The following CLEC4E variants were observed in gnomAD, a reference collection of about 807,000 sequenced individuals.
CLEC4E encodes the protein C-type lectin domain family 4 member E.
In CLEC4E, 21 loss-of-function variants were observed where a neutral mutation model predicts 24.7. The observed-to-expected ratio is 0.85, with a 90% CI of 0.60 to 1.22. The LOEUF is 1.22. CLEC4E is among the 50% of genes most tolerant of loss of function. The pLI, the probability that CLEC4E is intolerant of heterozygous loss-of-function variation, is 0.00. For missense variants in CLEC4E, 249 were observed against 254.1 expected (o/e 0.98, Z 0.14); for synonymous variants, 94 against 85.7 (o/e 1.10, Z -0.54).
chr12:8,539,796 G>A (rs1940672061), intron 2 of CLEC4E, 59 bp downstream of exon 2: 4 of 1,069,320 alleles, frequency 3.7e-6, no homozygotes, highest in Middle Eastern at 2.0e-4. Flanking sequence ...CAGCATGGAA[G>A]AGTTTTCTCC....
At chr12:8,539,802 T>C (rs1298582972) in intron 2 of CLEC4E, 53 bp downstream of exon 2, 4 of 1,153,690 alleles carry the variant, frequency 3.5e-6, no homozygotes, top group African/African-American at 1.5e-5. Context: ...GGAAGAGTTT[T>C]CTCCTAATAT....
intron 3 of CLEC4E, 44 bp from the exon 4 acceptor site, chr12:8,537,310 T>G: frequency 6.3e-7 from 1 of 1,578,138 alleles, no homozygotes; most frequent in Non-Finnish European, 8.6e-7. Flanking sequence ...GTGAACCGAA[T>G]AAGAAAACCC....
In CLEC4E at chr12:8,537,900, C is replaced by T. The variant is rs184132538; in HGVS notation, c.221-634G>A. On this transcript the variant is annotated intron_variant, in intron 3 of 5. Coordinates refer to ENST00000299663, the MANE Select transcript of CLEC4E (RefSeq NM_014358.4). Reference sequence around the variant, plus strand: ...AATCATAGCCAAGGAAAAACCAGGCCGTACAGAGCTACGAGCTGAGGGGAC... The same window carrying T: ...AATCATAGCCAAGGAAAAACCAGGCTGTACAGAGCTACGAGCTGAGGGGAC... 4.8e-3 allele frequency among the ~76,000 whole-genome samples: 724 copies of T among 152,268 alleles called. 6 individuals carry two copies. The highest frequency in any genetic ancestry group is 6.4e-3 in the Admixed American group (98 of 15,302).
At chr12:8,536,065 C>T (rs764489814) in intron 5 of CLEC4E, 25 bp downstream of exon 5, 6 of 1,415,906 alleles carry the variant, frequency 4.2e-6, no homozygotes, top group Admixed American at 1.7e-5. Context: ...GTTTCAAGAA[C>T]TCCTCTCAAT....
chr12:8,538,364 C>T (rs377375121), intron 3 of CLEC4E, among the ~76,000 whole-genome samples: 2 of 152,214 alleles, frequency 1.3e-5, no homozygotes, highest in African/African-American at 4.8e-5. Context: ...GAAATAATAG[C>T]GTAAGCTGTC....
At position 8,537,285 on chromosome 12, in the gene CLEC4E, C is replaced by A. The variant is rs1940629019; in HGVS notation, c.221-19G>T. 4 of 1,608,522 alleles carry A rather than the reference C, an allele frequency of 2.5e-6. No homozygotes were observed. The highest frequency in any genetic ancestry group is 3.4e-6 in the Non-Finnish European group (4 of 1,175,766). ...ACTGAACCTAGGATGAGAGATGTTT[C>A]AGTGAGTGTCCCAGGTGAACCGAAT... is the stretch of plus-strand genomic sequence containing the variant. On this transcript the variant is annotated intron_variant, in intron 3 of 5. Transcript: ENST00000299663.
At chr12:8,537,667 A>G (rs1940632726) in intron 3 of CLEC4E, among the ~76,000 whole-genome samples, 1 of 152,178 alleles carries the variant, frequency 6.6e-6, no homozygotes, top group African/African-American at 2.4e-5. Context: ...TCCATACTGT[A>G]GTATATAGAT....
rs1383066373 is a variant in CLEC4E, at chr12:8,539,291, A to C, written c.146T>G (p.Phe49Cys). Reference protein sequence around the residue: ...ITRCVVTFRIFQTCDEKKFQL... With the variant: ...ITRCVVTFRICQTCDEKKFQL... ...AAACTTTTTCTCATCACAGGTTTGA[A>C]AGATGCGAAATGTCACTGTAAAAGA... is the stretch of plus-strand genomic sequence containing the variant. Residue 49 changes from phenylalanine to cysteine, a missense_variant, in exon 3 of 6, where the codon TTT becomes TGT. Transcript: ENST00000299663. 1 of 1,609,946 alleles carries C rather than the reference A, an allele frequency of 6.2e-7. No individual in the cohort carries two copies. Among genetic ancestry groups the C allele is most frequent in the East Asian group, 2.2e-5 (1 of 44,814 alleles).
rs140267749 is a variant in CLEC4E, at chr12:8,537,181, C to T, written c.306G>A (p.Ala102=). The T allele has an allele frequency of 1.1e-5, 18 of 1,614,034 alleles. No individual in the cohort carries two copies. Among genetic ancestry groups the T allele is most frequent in the African/African-American group, 1.3e-5 (1 of 75,018 alleles). The change falls in exon 4 of 6, where the codon GCG becomes GCA. Residue 102 remains alanine (A), a synonymous_variant. Transcript: ENST00000299663. Reference sequence around the variant, plus strand: ...TGGCTGAGCAGTTCTTTAAACTTAACGCCCAGGAAATGGTGTCAGTAGAAA... The same window carrying T: ...TGGCTGAGCAGTTCTTTAAACTTAATGCCCAGGAAATGGTGTCAGTAGAAA... ...YFFSTDTISW[A]LSLKNCSAMG... is the part of the protein sequence containing the mutation.
In CLEC4E at chr12:8,539,731, G is replaced by GA. The variant is rs76741365; in HGVS notation, c.130+123dup. ...GAGAAATAACCTAGAGATTAATAGG[G>GA]AAAAAAAAAAGGGTGAAATAGAAAG... On this transcript the variant is annotated intron_variant, in intron 2 of 5. Coordinates refer to ENST00000299663, the MANE Select transcript of CLEC4E (RefSeq NM_014358.4). 5,680 of 569,150 alleles carry GA rather than the reference G, an allele frequency of 1.0e-2. 1 individual carries two copies. Among genetic ancestry groups the GA allele is most frequent in the South Asian group, 0.015 (682 of 44,722 alleles). 35.3% of individuals were successfully genotyped at this position (569,150 alleles called of 1,614,324 possible). A position where few individuals can be genotyped will look rare whatever the true frequency, so the allele number is the denominator to read the frequency against.
chr12:8,539,530 C>A (rs1405447807), intron 2 of CLEC4E, among the ~76,000 whole-genome samples: 3 of 152,124 alleles, frequency 2.0e-5, no homozygotes, highest in Non-Finnish European at 4.4e-5. Context: ...ATCTCTGGTG[C>A]CGACCAGTAG....
chr12:8,536,400 A>G (rs770966872), intron 4 of CLEC4E, among the ~76,000 whole-genome samples, 195 bp from the exon 5 acceptor site: 2 of 152,238 alleles, frequency 1.3e-5, no homozygotes, highest in Admixed American at 1.3e-4. Flanking sequence ...TACTAAAAGT[A>G]TAAAAAAATT....
rs1278172581 is a variant in CLEC4E, at chr12:8,534,669, A to T, written c.629T>A (p.Ile210Lys). 6.2e-7 allele frequency: 1 copy of T among 1,613,766 alleles called. No individual in the cohort carries two copies. The highest frequency in any genetic ancestry group is 1.3e-5 in the African/African-American group (1 of 74,890). ...AGATTTTCCTTTGTTCAAAGGATTT[A>T]TTCCTACCATTTCACAAATCCGAAA... ...NYFRICEMVG[I>K]NPLNKGKSL is the part of the protein sequence containing the mutation. Residue 210 changes from isoleucine (I) to lysine (K), a missense_variant, in exon 6 of 6, where the codon ATA becomes AAA. Coordinates refer to ENST00000299663, the MANE Select transcript of CLEC4E (RefSeq NM_014358.4).
intron 3 of CLEC4E, 51 bp from the exon 4 acceptor site, chr12:8,537,317 A>T: frequency 6.4e-7 from 1 of 1,563,102 alleles, no homozygotes; most frequent in East Asian, 2.3e-5. Context: ...GAATAAGAAA[A>T]CCCAAAGCTT....
intron 2 of CLEC4E, 146 bp from the exon 3 acceptor site, chr12:8,539,452 T>C: frequency 1.6e-6 from 1 of 634,412 alleles, no homozygotes; most frequent in Admixed American, 2.9e-5. Context: ...AGAAAATAGA[T>C]ATGTTTGCAC....
intron 3 of CLEC4E, among the ~76,000 whole-genome samples, chr12:8,538,237 G>A (rs1342704297): frequency 6.6e-6 from 1 of 152,242 alleles, no homozygotes; most frequent in Non-Finnish European, 1.5e-5. Context: ...TCCCTGTGAT[G>A]CTGTGCTTCA....
chr12:8,539,002 A>T, intron 3 of CLEC4E: 1 of 479,944 alleles, frequency 2.1e-6, no homozygotes, highest in South Asian at 4.1e-5. Flanking sequence ...TTTACTGTTC[A>T]GACATACCCC....
intron 5 of CLEC4E, 104 bp downstream of exon 5, chr12:8,535,986 C>T: frequency 1.6e-6 from 1 of 633,722 alleles, no homozygotes; most frequent in Non-Finnish European, 2.8e-6. Flanking sequence ...TCTACCTTAG[C>T]TCTTCTCTTT....
chr12:8,536,998 T>C, intron 4 of CLEC4E, 117 bp downstream of exon 4: 1 of 873,212 alleles, frequency 1.1e-6, no homozygotes, highest in Non-Finnish European at 1.6e-6. Flanking sequence ...AAGAACAGCA[T>C]GCATTTTAGT....
Sources: allele counts gnomAD v4.1 joint callset (sites outside exome capture counted in the v4.1 genomes callset), GRCh38; gene constraint gnomAD v4.1.1; transcripts MANE v1.5; gene names NCBI Gene and HGNC (gene_info 2026-07-23, HGNC 2026-07-21).